The following SDK1 variants were observed in gnomAD, a reference collection of about 807,000 sequenced individuals.
SDK1 encodes the protein protein sidekick-1.
SDK1 carries 157 observed loss-of-function variants against 245.5 expected under a neutral mutation model. That is an observed-to-expected ratio of 0.64 (90% CI 0.56 to 0.73). The LOEUF (loss-of-function observed/expected upper bound fraction) is 0.73, where lower values mean the gene tolerates loss of function less well. Ranked by LOEUF, SDK1 falls within the 30% of genes least tolerant of loss-of-function variation. The pLI is 0.00. For synonymous variants in SDK1, 1,647 were observed against 1,278.5 expected, an observed-to-expected ratio of 1.29 and a Z score of -6.15; for missense variants, 3,583 against 3,002.3, an observed-to-expected ratio of 1.19 and a Z score of -4.52.
intron 18 of SDK1, 78 bp downstream of exon 18, chr7:4,049,541 C>G: frequency 2.8e-6 from 3 of 1,076,102 alleles, no homozygotes; most frequent in Non-Finnish European, 4.3e-6. Flanking sequence ...GAGGCACCCC[C>G]TCTTGTGTAT....
At position 4,079,465 on chromosome 7, in the gene SDK1, C is replaced by T. The variant is rs139484829; in HGVS notation, c.3205C>T (p.Leu1069Phe). The change falls in exon 22 of 45, where the codon CTT becomes TTT. Residue 1069 changes from leucine (L) to phenylalanine (F), a missense_variant and splice_region_variant. By Grantham distance (22) the Leu-to-Phe change is conservative. Transcript: ENST00000404826. ...TTTCCTCCCTGGTTCCTCTCTAGAC[C>T]TTCCTGGTGCCCCATCCAACCTGGT... ...STISSGVPPDLPGAPSNLVIS... is the reference protein window; with the variant it reads ...STISSGVPPDFPGAPSNLVIS... The T allele has an allele frequency of 6.7e-5, 108 of 1,614,076 alleles. No homozygotes were observed. Among genetic ancestry groups the T allele is most frequent in the Non-Finnish European group, 8.6e-5 (102 of 1,180,030 alleles).
intron 4 of SDK1, among the ~76,000 whole-genome samples, chr7:3,708,720 C>G (rs1784953114): frequency 6.6e-6 from 1 of 152,182 alleles, no homozygotes; most frequent in Admixed American, 6.5e-5. Flanking sequence ...CCACCAGGCC[C>G]TCCATTCAAC....
At chr7:3,525,260 G>A (rs1291564466) in intron 1 of SDK1, among the ~76,000 whole-genome samples, 1 of 152,012 alleles carries the variant, frequency 6.6e-6, no homozygotes, top group Admixed American at 6.5e-5. Flanking sequence ...ACGTGATGAT[G>A]GGCCTCTCTC....
At chr7:3,815,904 CA>C (rs1347369733) in intron 4 of SDK1, among the ~76,000 whole-genome samples, 1 of 145,858 alleles carries the variant, frequency 6.9e-6, no homozygotes, top group Non-Finnish European at 1.5e-5. Context: ...TCTCTCAGAC[CA>C]CAGTGCAATC....
intron 1 of SDK1, among the ~76,000 whole-genome samples, chr7:3,501,021 T>G (rs1299857557): frequency 2.6e-5 from 4 of 152,174 alleles, no homozygotes; most frequent in Non-Finnish European, 5.9e-5. Flanking sequence ...CTTTCTTCTT[T>G]ATTACTGTTT....
Position 3,580,998 on chromosome 7 carries a change from AAAC to A in SDK1, c.299-38079_299-38077del, listed in dbSNP as rs1207703330. On this transcript the variant is annotated intron_variant, in intron 1 of 44. Coordinates refer to ENST00000404826, the MANE Select transcript of SDK1 (RefSeq NM_152744.4). ...AAAAAAAAAAAAAAAAAAAAAACCA[AAAC>A]AAAACCCTGGAAGACAATCTATGCA... Among the ~76,000 whole-genome samples, 610 of 98,068 alleles carry A rather than the reference AAAC, an allele frequency of 6.2e-3. 61 individuals carry two copies. The highest frequency in any genetic ancestry group is 0.028 in the South Asian group (61 of 2,174). The allele number at this position is 98,068 out of a possible 152,430, so 64.3% of individuals were successfully genotyped here.
chr7:3,975,084 TG>T (rs1266734244), intron 13 of SDK1, among the ~76,000 whole-genome samples: 1 of 152,176 alleles, frequency 6.6e-6, no homozygotes, highest in African/African-American at 2.4e-5. Context: ...TGGACCTTCC[TG>T]GGGGTTCCAA....
intron 35 of SDK1, among the ~76,000 whole-genome samples, chr7:4,184,008 C>T (rs1782740093): frequency 6.6e-6 from 1 of 152,226 alleles, no homozygotes; most frequent in Non-Finnish European, 1.5e-5. Flanking sequence ...GTTTACACTG[C>T]AGAGAGTTTT....
intron 4 of SDK1, among the ~76,000 whole-genome samples, chr7:3,657,644 C>T (rs896211368): frequency 1.3e-5 from 2 of 152,104 alleles, no homozygotes; most frequent in Non-Finnish European, 2.9e-5. Context: ...TCTGTTTGGC[C>T]TCTGAGGAGG....
intron 1 of SDK1, among the ~76,000 whole-genome samples, chr7:3,515,159 T>A (rs1206435649): frequency 6.6e-6 from 1 of 152,140 alleles, no homozygotes; most frequent in Non-Finnish European, 1.5e-5. Context: ...CAATTCTCAT[T>A]CTGCTGTTTT....
intron 5 of SDK1, among the ~76,000 whole-genome samples, chr7:3,938,503 G>T (rs1427003687): frequency 2.0e-5 from 3 of 151,974 alleles, no homozygotes; most frequent in African/African-American, 7.3e-5. Flanking sequence ...AAAATTAGCC[G>T]GGCGTGGTGG....
intron 5 of SDK1, among the ~76,000 whole-genome samples, chr7:3,904,335 A>T (rs1781892054): frequency 6.6e-6 from 1 of 152,138 alleles, no homozygotes; most frequent in South Asian, 2.1e-4. Flanking sequence ...TTCCTTTTGG[A>T]GTGGAAAAAA....
chr7:3,677,489 A>G (rs1783941453), intron 4 of SDK1, among the ~76,000 whole-genome samples: 1 of 152,158 alleles, frequency 6.6e-6, no homozygotes, highest in South Asian at 2.1e-4. Context: ...GTGCAAGGGA[A>G]TTCCCATTTA....
intron 1 of SDK1, among the ~76,000 whole-genome samples, chr7:3,475,038 C>G (rs1781310054): frequency 6.6e-6 from 1 of 152,172 alleles, no homozygotes; most frequent in Non-Finnish European, 1.5e-5. Flanking sequence ...TCACTTGGTA[C>G]TCTCCCGTCC....
Position 3,677,968 on chromosome 7 carries a change from C to T in SDK1, c.713+35863C>T, listed in dbSNP as rs74928870. Among the ~76,000 whole-genome samples the T allele has an allele frequency of 1.6e-4, 25 of 152,156 alleles. No individual in the cohort carries two copies. The East Asian group carries it at 3.5e-3, about 21-fold the overall frequency. ...ACAACAGAACAAACAAAGTATTTCC[C>T]CAGAGAAGATATACAAAAGGTCAGT... On this transcript the variant is annotated intron_variant, in intron 4 of 44. Transcript: ENST00000404826.
At chr7:3,589,181 C>T (rs146919054) in intron 1 of SDK1, among the ~76,000 whole-genome samples, 8 of 152,264 alleles carry the variant, frequency 5.3e-5, no homozygotes, top group African/African-American at 1.2e-4. Flanking sequence ...TCACAGTTGG[C>T]GTGGAGCTTT....
At position 3,723,974 on chromosome 7, in the gene SDK1, AG is replaced by A. The variant is rs1562397903; in HGVS notation, c.713+81870del. ...GAGAGAGAGAGAGAGAGAGAGAGAGAGAGAAAGAGAGAGAGAGTCTCACCTG... is the reference window on the plus strand; with the variant it reads ...GAGAGAGAGAGAGAGAGAGAGAGAGAAGAAAGAGAGAGAGAGTCTCACCTG... On this transcript the variant is annotated intron_variant, in intron 4 of 44. Coordinates refer to ENST00000404826, the MANE Select transcript of SDK1 (RefSeq NM_152744.4). Among the ~76,000 whole-genome samples the A allele has an allele frequency of 6.1e-4, 91 of 148,972 alleles. 3 individuals carry two copies. The highest frequency in any genetic ancestry group is 2.1e-3 in the African/African-American group (87 of 40,466).
Position 3,724,057 on chromosome 7 carries a change from G to A in SDK1, c.713+81952G>A, listed in dbSNP as rs560967435. Among the ~76,000 whole-genome samples, 5 of 151,342 alleles carry A rather than the reference G, an allele frequency of 3.3e-5. No homozygotes were observed. The East Asian group carries it at 6.0e-4, about 18-fold the overall frequency. ...CGGCTCACTGCAACCTCCGCCTCCC[G>A]GGTTCAAGCGATTCTCCTGCCTTAG... On this transcript the variant is annotated intron_variant, in intron 4 of 44. Transcript: ENST00000404826.
intron 5 of SDK1, among the ~76,000 whole-genome samples, chr7:3,868,161 T>G (rs113245169): frequency 0.015 from 2,244 of 152,326 alleles, 59 homozygotes; most frequent in African/African-American, 0.052. Context: ...CCTTACAAAT[T>G]GGGAAGAAAT....
Sources: gnomAD v4.1 joint callset for allele counts (sites outside exome capture counted in the v4.1 genomes callset) on GRCh38, gnomAD v4.1.1 for gene constraint, MANE v1.5 for transcripts, NCBI Gene and HGNC (gene_info 2026-07-23, HGNC 2026-07-21) for gene names.